Variants in PATJ observed in about 807,000 individuals in gnomAD.
The protein encoded by PATJ is PATJ crumbs cell polarity complex component.
In PATJ, 190 loss-of-function variants were observed where a neutral mutation model predicts 224.9. The ratio of observed to expected loss-of-function variants is 0.84; its 90% confidence interval spans 0.75 to 0.95. PATJ has a LOEUF of 0.95. Ranked by LOEUF, PATJ falls within the 40% of genes least tolerant of loss-of-function variation. The pLI is 0.00. For synonymous variants in PATJ, 769 were observed against 820.3 expected (o/e 0.94, Z 1.07); for missense variants, 2,121 against 2,270.3 (o/e 0.93, Z 1.34).
rs1196851989 is a variant in PATJ, at chr1:62,123,127, C to T, written c.5043+69C>T. 21 of 1,085,394 alleles carry T rather than the reference C, an allele frequency of 1.9e-5. No individual in the cohort carries two copies. The Admixed American group carries it at 4.0e-4, about 21-fold the overall frequency. 67.2% of individuals were successfully genotyped at this position (1,085,394 alleles called of 1,614,324 possible). On this transcript the variant is annotated intron_variant, in intron 39 of 43. Transcript: ENST00000642238. Reference sequence around the variant, plus strand: ...GGATTTGCACTAAATGTACATTTTCCCCAATACAGTTTATTGGATTGTGAG... The same window carrying T: ...GGATTTGCACTAAATGTACATTTTCTCCAATACAGTTTATTGGATTGTGAG...
chr1:61,884,388 T>C lies in PATJ; in HGVS notation c.3111T>C (p.Ser1037=), dbSNP rs1668514097. 1.9e-6 allele frequency: 3 copies of C among 1,605,804 alleles called. No homozygotes were observed. In the East Asian group the frequency reaches 6.7e-5, roughly 36 times the overall value. ...KASAYTGMLS[S]RYATDTCELP... is the part of the protein sequence containing the mutation. ...CAGCATACACAGGAATGTTGTCTTC[T>C]AGATATGCCACTGATACATGGTATG... The change falls in exon 22 of 44, where the codon TCT becomes TCC. Residue 1037 remains serine, a synonymous_variant. Coordinates refer to ENST00000642238, the MANE Select transcript of PATJ (RefSeq NM_001350145.3).
At chr1:61,961,427 C>T (rs1415423693) in intron 27 of PATJ, among the ~76,000 whole-genome samples, 1 of 152,168 alleles carries the variant, frequency 6.6e-6, no homozygotes, top group Admixed American at 6.5e-5. Context: ...ATGGATATAA[C>T]TACATGTGTA....
intron 27 of PATJ, among the ~76,000 whole-genome samples, chr1:61,964,093 C>A (rs11810952): frequency 0.023 from 3,484 of 151,494 alleles, 123 homozygotes; most frequent in African/African-American, 0.08. Context: ...TCCCTCCCTC[C>A]CTTCCTTCCT....
rs74471098 is a variant in PATJ, at chr1:61,982,853, G to A, written c.3671-7315G>A. Among the ~76,000 whole-genome samples the A allele has an allele frequency of 3.8e-3, 580 of 151,886 alleles. 30 individuals are homozygous for A. In the East Asian group the frequency reaches 0.094, roughly 25 times the overall value. On this transcript the variant is annotated intron_variant, in intron 27 of 43. Coordinates refer to ENST00000642238, the MANE Select transcript of PATJ (RefSeq NM_001350145.3). ...CTTAATTTTAAGGGAGAACTTCATTGGCTTCAAGTATTAGGTTGGTGCAAA... is the reference window on the plus strand; with the variant it reads ...CTTAATTTTAAGGGAGAACTTCATTAGCTTCAAGTATTAGGTTGGTGCAAA...
At chr1:61,990,119 A>C (rs1027880643) in intron 27 of PATJ, 49 bp from the exon 28 acceptor site, 5 of 1,295,396 alleles carry the variant, frequency 3.9e-6, no homozygotes, top group Non-Finnish European at 4.3e-6. Flanking sequence ...ACATCTCAAT[A>C]ATACAGATCA....
intron 26 of PATJ, among the ~76,000 whole-genome samples, chr1:61,924,250 C>G (rs1046663861): frequency 6.6e-6 from 1 of 151,450 alleles, no homozygotes; most frequent in African/African-American, 2.4e-5. Flanking sequence ...AGCTTGTAAT[C>G]CCAGCTACTT....
chr1:61,757,664 G>A (rs1645727178), intron 1 of PATJ, among the ~76,000 whole-genome samples: 1 of 152,176 alleles, frequency 6.6e-6, no homozygotes, highest in South Asian at 2.1e-4. Context: ...AGGTTTAGAG[G>A]CATGAGCCAC....
At chr1:61,814,914 T>C (rs894148326) in intron 14 of PATJ, among the ~76,000 whole-genome samples, 1 of 152,152 alleles carries the variant, frequency 6.6e-6, no homozygotes, top group African/African-American at 2.4e-5. Flanking sequence ...TCCTGAACTA[T>C]TTACTGAGCT....
At chr1:61,808,398 C>T in intron 13 of PATJ, 76 bp from the exon 14 acceptor site, 2 of 851,720 alleles carry the variant, frequency 2.3e-6, no homozygotes, top group Non-Finnish European at 2.0e-6. Flanking sequence ...ATAGGTTTTA[C>T]AGATATTTTC....
chr1:61,751,355 G>A (rs191566369), intron 1 of PATJ, among the ~76,000 whole-genome samples: 2 of 152,056 alleles, frequency 1.3e-5, no homozygotes, highest in African/African-American at 2.4e-5. Flanking sequence ...TCGGCAGTGC[G>A]GGTAAAATTG....
chr1:61,914,769 G>A, intron 26 of PATJ, 105 bp downstream of exon 26: 1 of 578,524 alleles, frequency 1.7e-6, no homozygotes, highest in South Asian at 2.1e-5. Flanking sequence ...GAGTGTCAGT[G>A]TTGTAGGAGC....
intron 28 of PATJ, among the ~76,000 whole-genome samples, chr1:62,007,290 C>G (rs1224099155): frequency 1.3e-5 from 2 of 152,188 alleles, no homozygotes; most frequent in Admixed American, 6.5e-5. Flanking sequence ...GAAGCTGAGA[C>G]AGAAGTTACT....
At chr1:62,019,761 A>T (rs1646972482) in intron 29 of PATJ, among the ~76,000 whole-genome samples, 1 of 145,646 alleles carries the variant, frequency 6.9e-6, no homozygotes, top group Non-Finnish European at 1.5e-5. Flanking sequence ...TTAGTTGATT[A>T]AAAAAAAAAA....
Position 62,051,031 on chromosome 1 carries a change from A to G in PATJ, c.4098A>G (p.Gln1366=), listed in dbSNP as rs199920431. 1.2e-6 allele frequency: 2 copies of G among 1,613,634 alleles called. No homozygotes were observed. Among genetic ancestry groups the G allele is most frequent in the Non-Finnish European group, 1.7e-6 (2 of 1,179,580 alleles). ...EDGSVEVGIK[Q]LPESESFKLA... is the part of the protein sequence containing the mutation. ...GCAGCGTCGAAGTTGGTATTAAACA[A>G]TTGCCTGAAAGTGAAAGCTTCAAAC... is the stretch of plus-strand genomic sequence containing the variant. Residue 1366 remains glutamine (Q), a synonymous_variant, in exon 31 of 44, where the codon CAA becomes CAG. Coordinates refer to ENST00000642238, the MANE Select transcript of PATJ (RefSeq NM_001350145.3).
intron 1 of PATJ, among the ~76,000 whole-genome samples, chr1:61,754,306 C>T (rs559978719): frequency 6.6e-6 from 1 of 152,166 alleles, no homozygotes; most frequent in East Asian, 1.9e-4. Context: ...ATGACCATAC[C>T]CTGAGTGAGA....
intron 24 of PATJ, among the ~76,000 whole-genome samples, chr1:61,906,613 G>T (rs1671895407): frequency 6.6e-6 from 1 of 152,156 alleles, no homozygotes; most frequent in Admixed American, 6.5e-5. Context: ...TCCTCAGCCT[G>T]CTCAAGTTCA....
At chr1:62,059,257 G>T (rs980885407) in intron 31 of PATJ, among the ~76,000 whole-genome samples, 5 of 152,174 alleles carry the variant, frequency 3.3e-5, no homozygotes, top group Admixed American at 3.3e-4. Flanking sequence ...GGAAGCCTTT[G>T]AAATGGTTTT....
chr1:62,129,989 C>T (rs2666469), intron 41 of PATJ, among the ~76,000 whole-genome samples: 5,091 of 152,128 alleles, frequency 0.033, 282 homozygotes, highest in African/African-American at 0.11. Context: ...AAGCCCACCA[C>T]TTACTACCTT....
In PATJ at chr1:62,038,016, T is replaced by G; in HGVS notation, c.3999T>G (p.Phe1333Leu). 1 of 1,600,790 alleles carries G rather than the reference T, an allele frequency of 6.2e-7. No individual in the cohort carries two copies. Among genetic ancestry groups the G allele is most frequent in the East Asian group, 2.2e-5 (1 of 44,464 alleles). The change falls in exon 30 of 44, where the codon TTT becomes TTG. Residue 1333 changes from phenylalanine (F) to leucine (L), a missense_variant. Coordinates refer to ENST00000642238, the MANE Select transcript of PATJ (RefSeq NM_001350145.3). ...DAVNQMAVTP[F>L]PVPSSSPSSI... Reference sequence around the variant, plus strand: ...TCAATCAGATGGCCGTTACTCCCTTTCCAGTGCCATCAAGTTCTCCATCTT... The same window carrying G: ...TCAATCAGATGGCCGTTACTCCCTTGCCAGTGCCATCAAGTTCTCCATCTT...
Sources: gnomAD v4.1 joint callset for allele counts (sites outside exome capture counted in the v4.1 genomes callset) on GRCh38, gnomAD v4.1.1 for gene constraint, MANE v1.5 for transcripts, NCBI Gene and HGNC (gene_info 2026-07-23, HGNC 2026-07-21) for gene names.